The following ACTN4 variants were observed in gnomAD, a reference collection of about 807,000 sequenced individuals.
The protein encoded by ACTN4 is alpha-actinin-4.
Under a neutral mutation model 114.2 loss-of-function variants are expected in ACTN4, and 18 were observed. The ratio of observed to expected loss-of-function variants is 0.16; its 90% CI spans 0.11 to 0.23. The LOEUF (loss-of-function observed/expected upper bound fraction) is 0.23, where lower values mean the gene tolerates loss of function less well. ACTN4 is among the 10% of genes least tolerant of loss of function. The pLI is 1.00. For synonymous variants in ACTN4, 515 were observed against 506.3 expected (o/e 1.02, Z -0.23); for missense variants, 722 against 1,262.9 (o/e 0.57, Z 6.49).
Position 38,731,484 on chromosome 19 carries a change from G to C in ACTN4, c.*2052G>C. Reference sequence around the variant, plus strand: ...CAGGACAGCGTCTGACACGTGACTCGATGTGTGGGTACTGTTACTCCTTAA... The same window carrying C: ...CAGGACAGCGTCTGACACGTGACTCCATGTGTGGGTACTGTTACTCCTTAA... On this transcript the variant is annotated 3_prime_UTR_variant, in exon 21 of 21. Coordinates refer to ENST00000252699, the MANE Select transcript of ACTN4 (RefSeq NM_004924.6). The C allele has an allele frequency of 1.9e-6, 1 of 536,886 alleles. No individual in the cohort carries two copies. Among genetic ancestry groups the C allele is most frequent in the South Asian group, 2.1e-5 (1 of 47,734 alleles). 33.3% of individuals were successfully genotyped at this position (536,886 alleles called of 1,614,324 possible).
intron 1 of ACTN4, among the ~76,000 whole-genome samples, chr19:38,690,226 G>A (rs564658254): frequency 6.6e-6 from 1 of 152,292 alleles, no homozygotes; most frequent in East Asian, 1.9e-4. Context: ...CACTCTTCTG[G>A]TCCACGTTTG....
chr19:38,727,790 C>T lies in ACTN4; in HGVS notation c.2338-156C>T, dbSNP rs1264659892. The T allele has an allele frequency of 5.7e-6, 4 of 707,264 alleles. No individual in the cohort carries two copies. The highest frequency in any genetic ancestry group is 2.7e-5 in the East Asian group (1 of 36,704). The allele number at this position is 707,264 out of a possible 1,614,324, so 43.8% of individuals were successfully genotyped here. A position where few individuals can be genotyped will look rare whatever the true frequency, so the allele number is the denominator to read the frequency against. The stretch of plus-strand genomic sequence containing the variant: ...GGGGCCCGTGCCGCCCCCGACCCCA[C>T]GTGTCCCTGGCCATCTCCTTGTCCA... On this transcript the variant is annotated intron_variant, in intron 18 of 20. Transcript: ENST00000252699. The surrounding 1 kb of genome is among the most constrained non-coding windows in gnomAD (Gnocchi z 5.4).
rs746205196 is a variant in ACTN4 at position 38,727,961 on chromosome 19, C to T, written c.2353C>T (p.Leu785=). Residue 785 remains leucine, a synonymous_variant, in exon 19 of 21, where the codon CTG becomes TTG. Coordinates refer to ENST00000252699, the MANE Select transcript of ACTN4 (RefSeq NM_004924.6). The surrounding 1 kb of genome is among the most constrained non-coding windows in gnomAD (Gnocchi z 5.4). ...GCCCCGGCAGGATCATGGCGGGGCGCTGGGGCCCGAGGAGTTCAAGGCCTG... is the reference window on the plus strand; with the variant it reads ...GCCCCGGCAGGATCATGGCGGGGCGTTGGGGCCCGAGGAGTTCAAGGCCTG... The part of the protein sequence containing the change: ...NHFDKDHGGA[L]GPEEFKACLI... 1.2e-6 allele frequency: 2 copies of T among 1,612,398 alleles called. No individual in the cohort carries two copies. Among genetic ancestry groups the T allele is most frequent in the Non-Finnish European group, 1.7e-6 (2 of 1,179,696 alleles).
intron 1 of ACTN4, among the ~76,000 whole-genome samples, chr19:38,649,342 A>G: frequency 1.1e-5 from 1 of 91,968 alleles, no homozygotes; most frequent in Non-Finnish European, 2.0e-5. Flanking sequence ...TAAAGAAAGG[A>G]GCGTGGTGAG....
intron 11 of ACTN4, among the ~76,000 whole-genome samples, chr19:38,718,909 C>T (rs1159772254): frequency 1.3e-5 from 2 of 152,226 alleles, no homozygotes; most frequent in African/African-American, 4.8e-5. Context: ...GGGCCTGCTG[C>T]CGGACCACAG....
intron 1 of ACTN4, among the ~76,000 whole-genome samples, chr19:38,661,511 G>A (rs1285435212): frequency 6.6e-6 from 1 of 152,144 alleles, no homozygotes; most frequent in Non-Finnish European, 1.5e-5. Context: ...CCATCAAGAG[G>A]CCATTTCTAC....
At chr19:38,723,030 G>T (rs1969100403) in intron 12 of ACTN4, among the ~76,000 whole-genome samples, 1 of 152,216 alleles carries the variant, frequency 6.6e-6, no homozygotes. Context: ...AACTCACTGA[G>T]CTCTCAGGGC....
In ACTN4 at chr19:38,723,715, C is replaced by T; in HGVS notation, c.1544C>T (p.Ala515Val). Reference sequence around the variant, plus strand: ...TCTCTGACACATAGTCGCAGGGAAGCCCTGGAGGTGAGGAGGGGGTGACAT... The same window carrying T: ...TCTCTGACACATAGTCGCAGGGAAGTCCTGGAGGTGAGGAGGGGGTGACAT... ...LGSLTHSRRE[A>V]LEKTEKQLEA... Residue 515 changes from alanine to valine, a missense_variant, in exon 13 of 21, where the codon GCC (alanine) becomes GTC (valine). By Grantham distance (64) the Ala-to-Val change is moderately conservative. Transcript: ENST00000252699. 1 of 1,609,028 alleles carries T rather than the reference C, an allele frequency of 6.2e-7. No homozygotes were observed. The highest frequency in any genetic ancestry group is 8.5e-7 in the Non-Finnish European group (1 of 1,177,218).
chr19:38,684,836 G>A (rs7247788), intron 1 of ACTN4, among the ~76,000 whole-genome samples: 1 of 151,410 alleles, frequency 6.6e-6, no homozygotes, highest in Non-Finnish European at 1.5e-5. Flanking sequence ...TGCTAATGTT[G>A]TCTGTCTCAT....
chr19:38,651,849 A>G (rs912034578), intron 1 of ACTN4, among the ~76,000 whole-genome samples: 1 of 152,046 alleles, frequency 6.6e-6, no homozygotes, highest in African/African-American at 2.4e-5. Flanking sequence ...CTCCTGCCTC[A>G]GCCTCCTGAG....
chr19:38,693,862 G>A (rs1293127258), intron 1 of ACTN4, among the ~76,000 whole-genome samples: 5 of 152,218 alleles, frequency 3.3e-5, no homozygotes, highest in Non-Finnish European at 7.3e-5. Flanking sequence ...GTCACCATGG[G>A]CCTTGGCACA....
At chr19:38,703,419 G>T (rs1022018626) in intron 3 of ACTN4, among the ~76,000 whole-genome samples, 1 of 152,016 alleles carries the variant, frequency 6.6e-6, no homozygotes, top group Non-Finnish European at 1.5e-5. Flanking sequence ...TGTGTTTTTA[G>T]TAGAGACGGG....
chr19:38,652,054 C>CT (rs1255977828), intron 1 of ACTN4, among the ~76,000 whole-genome samples: 3 of 152,022 alleles, frequency 2.0e-5, no homozygotes, highest in African/African-American at 7.2e-5. Flanking sequence ...TGAAGTAGAT[C>CT]TTTTTTTCTT....
At chr19:38,725,488 G>A (rs190703034) in intron 16 of ACTN4, among the ~76,000 whole-genome samples, 178 of 152,350 alleles carry the variant, frequency 1.2e-3, no homozygotes, top group African/African-American at 4.1e-3. Flanking sequence ...GGCACAGGGA[G>A]CGCTTGGCAG....
intron 17 of ACTN4, 133 bp downstream of exon 17, chr19:38,726,036 A>T (rs921025897): frequency 1.5e-6 from 2 of 1,291,748 alleles, no homozygotes; most frequent in Non-Finnish European, 2.2e-6. Context: ...TATTGAAGAG[A>T]CCAGCACTTT....
At chr19:38,651,611 A>C (rs1279421747) in intron 1 of ACTN4, among the ~76,000 whole-genome samples, 2 of 151,916 alleles carry the variant, frequency 1.3e-5, no homozygotes, top group Non-Finnish European at 2.9e-5. Flanking sequence ...TCAATGTTTC[A>C]ACCCTGACCG....
intron 1 of ACTN4, among the ~76,000 whole-genome samples, chr19:38,675,536 T>G (rs1442631654): frequency 6.6e-6 from 1 of 152,236 alleles, no homozygotes; most frequent in African/African-American, 2.4e-5. Context: ...CCCTGGTGAC[T>G]TTGTTGCTTT....
chr19:38,676,773 C>G (rs1375517498), intron 1 of ACTN4, among the ~76,000 whole-genome samples: 3 of 152,172 alleles, frequency 2.0e-5, no homozygotes, highest in Admixed American at 1.3e-4. Context: ...ACCAGGTGCT[C>G]TAGCTCCTGG....
chr19:38,717,440 C>A lies in ACTN4; in HGVS notation c.1143+124C>A. ...TGATGTCCTGTGGGACATGGCATGG[C>A]CTTTCGGATGCAGTGGTCGGGGAGG... On this transcript the variant is annotated intron_variant, in intron 10 of 20. Transcript: ENST00000252699. The surrounding 1 kb of genome is among the most constrained non-coding windows in gnomAD (Gnocchi z 4.0). The A allele has an allele frequency of 7.6e-7, 1 of 1,316,146 alleles. No homozygotes were observed. Among genetic ancestry groups the A allele is most frequent in the Non-Finnish European group, 1.1e-6 (1 of 950,318 alleles). 81.5% of individuals were successfully genotyped at this position (1,316,146 alleles called of 1,614,324 possible). A position where few individuals can be genotyped will look rare whatever the true frequency, so the allele number is the denominator to read the frequency against.
Sources: allele counts gnomAD v4.1 joint callset (sites outside exome capture counted in the v4.1 genomes callset), GRCh38; gene constraint gnomAD v4.1.1; non-coding constraint Gnocchi (gnomAD v3.1); transcripts MANE v1.5; gene names NCBI Gene and HGNC (gene_info 2026-07-23, HGNC 2026-07-21).